Variants in NBAS observed in about 807,000 individuals in gnomAD.
NBAS encodes NBAS subunit of NRZ tethering complex.
Under a neutral mutation model 302.5 loss-of-function variants are expected in NBAS, and 219 were observed. The observed-to-expected ratio is 0.72, with a 90% CI of 0.65 to 0.81. The LOEUF (loss-of-function observed/expected upper bound fraction) is 0.81, where lower values mean the gene tolerates loss of function less well. Ranked by LOEUF, NBAS falls within the 30% of genes least tolerant of loss-of-function variation. The pLI, the probability that NBAS is intolerant of heterozygous loss-of-function variation, is 0.00. For missense variants in NBAS, 2,932 were observed against 2,841.6 expected, an observed-to-expected ratio of 1.03 and a Z score of -0.72; for synonymous variants, 1,118 against 1,021.6, an observed-to-expected ratio of 1.09 and a Z score of -1.80.
chr2:15,263,543 T>G (rs1404779763), intron 44 of NBAS, among the ~76,000 whole-genome samples: 1 of 152,226 alleles, frequency 6.6e-6, no homozygotes, highest in Non-Finnish European at 1.5e-5. Context: ...CTTTCTGGCC[T>G]CATCCTATGC....
intron 42 of NBAS, among the ~76,000 whole-genome samples, chr2:15,286,583 C>T (rs1670053566): frequency 6.6e-6 from 1 of 152,212 alleles, no homozygotes; most frequent in Non-Finnish European, 1.5e-5. Flanking sequence ...ACTGTATTGT[C>T]TACCTAGAAA....
chr2:15,377,858 G>T (rs1288245182), intron 30 of NBAS, among the ~76,000 whole-genome samples: 1 of 152,102 alleles, frequency 6.6e-6, no homozygotes. Context: ...CTATATACAG[G>T]TATAACATGC....
chr2:15,260,666 C>T (rs1668808375), intron 44 of NBAS, among the ~76,000 whole-genome samples: 1 of 152,176 alleles, frequency 6.6e-6, no homozygotes, highest in South Asian at 2.1e-4. Flanking sequence ...CTGAAAAACA[C>T]TCCTATGCTG....
chr2:14,999,691 C>T, the NBAS span, among the ~76,000 whole-genome samples: 3 of 152,196 alleles, frequency 2.0e-5, no homozygotes, highest in Non-Finnish European at 4.4e-5. Context: ...GTCAATTAAA[C>T]CTCTTTTCTT....
chr2:15,314,114 G>A (rs753985759), intron 38 of NBAS, among the ~76,000 whole-genome samples: 4 of 152,192 alleles, frequency 2.6e-5, no homozygotes, highest in Non-Finnish European at 5.9e-5. Flanking sequence ...AGCACTTTGG[G>A]AGGCCGAGGC....
intron 35 of NBAS, among the ~76,000 whole-genome samples, chr2:15,343,743 A>G (rs1318661026): frequency 6.6e-6 from 1 of 152,000 alleles, no homozygotes; most frequent in African/African-American, 2.4e-5. Context: ...AAGCACTAAA[A>G]ACTATAAAAC....
chr2:14,895,204 G>A, the NBAS span, among the ~76,000 whole-genome samples: 1 of 152,150 alleles, frequency 6.6e-6, no homozygotes, highest in Non-Finnish European at 1.5e-5. Context: ...AGAAGAGAGG[G>A]ACAGATAACT....
chr2:15,293,919 TC>T (rs1670432977), intron 40 of NBAS, among the ~76,000 whole-genome samples: 1 of 148,030 alleles, frequency 6.8e-6, no homozygotes, highest in South Asian at 2.2e-4. Flanking sequence ...TTTATTTTTT[TC>T]CCTACCTCTA....
intron 6 of NBAS, among the ~76,000 whole-genome samples, chr2:15,543,339 A>G (rs1663942893): frequency 6.6e-6 from 1 of 152,082 alleles, no homozygotes; most frequent in Non-Finnish European, 1.5e-5. Context: ...TTTAAATAGC[A>G]CTTCCTTAGA....
chr2:15,132,378 G>A, the NBAS span, among the ~76,000 whole-genome samples: 10 of 152,256 alleles, frequency 6.6e-5, no homozygotes, highest in African/African-American at 2.4e-4. Context: ...AAAAGCCATG[G>A]AGAAAGTAAA....
At chr2:15,087,258 C>CACACACACACACACA in the NBAS span, among the ~76,000 whole-genome samples, 1 of 131,314 alleles carries the variant, frequency 7.6e-6, no homozygotes, top group Admixed American at 8.5e-5. Flanking sequence ...ACACACACAC[C>CACACACACACACACA]CCATATTGGT....
Position 15,309,197 on chromosome 2 carries a change from G to C in NBAS, c.4633C>G (p.Leu1545Val). 2 of 1,612,990 alleles carry C rather than the reference G, an allele frequency of 1.2e-6. No homozygotes were observed. Among genetic ancestry groups the C allele is most frequent in the Non-Finnish European group, 1.7e-6 (2 of 1,179,284 alleles). Reference sequence around the variant, plus strand: ...TGTGGTAAGGCAAGAAGGTAAGCAAGAGCCAAGGTCATGTCATTTGGCAAG... The same window carrying C: ...TGTGGTAAGGCAAGAAGGTAAGCAACAGCCAAGGTCATGTCATTTGGCAAG... Reference protein sequence around the residue: ...EALPNDMTLALAYLLALPQVL... With the variant: ...EALPNDMTLAVAYLLALPQVL... Residue 1545 changes from leucine to valine, a missense_variant, in exon 39 of 52, where the codon CTT becomes GTT. Physicochemically the swap from Leu to Val is conservative, Grantham distance 32. Transcript: ENST00000281513.
At chr2:15,257,982 T>C (rs1668678982) in intron 44 of NBAS, among the ~76,000 whole-genome samples, 1 of 152,180 alleles carries the variant, frequency 6.6e-6, no homozygotes, top group South Asian at 2.1e-4. Context: ...AATCTCTACC[T>C]CATTAAGATG....
intron 40 of NBAS, among the ~76,000 whole-genome samples, chr2:15,293,062 C>G (rs1405935071): frequency 2.0e-4 from 30 of 152,174 alleles, no homozygotes; most frequent in Non-Finnish European, 4.4e-5. Context: ...TATTCTTGCT[C>G]TTTCAACTAT....
At chr2:15,311,998 A>G (rs1158854276) in intron 38 of NBAS, among the ~76,000 whole-genome samples, 1 of 152,026 alleles carries the variant, frequency 6.6e-6, no homozygotes, top group African/African-American at 2.4e-5. Context: ...CTGGGTCCCA[A>G]GTAATATGAC....
At chr2:15,407,625 C>G (rs970830645) in intron 25 of NBAS, among the ~76,000 whole-genome samples, 5 of 152,084 alleles carry the variant, frequency 3.3e-5, no homozygotes, top group African/African-American at 9.7e-5. Context: ...GATGTTGCTA[C>G]GTACACAGCA....
chr2:15,088,553 G>A, the NBAS span, among the ~76,000 whole-genome samples: 8 of 152,116 alleles, frequency 5.3e-5, no homozygotes, highest in Non-Finnish European at 7.3e-5. Context: ...CAGGGCCAGA[G>A]AGCATGGCTT....
At chr2:14,932,214 TGGCATGA>T in the NBAS span, among the ~76,000 whole-genome samples, 2 of 152,186 alleles carry the variant, frequency 1.3e-5, no homozygotes, top group African/African-American at 4.8e-5. Context: ...TGCCAGGAGC[TGGCATGA>T]ACCAACCTTT....
intron 44 of NBAS, among the ~76,000 whole-genome samples, chr2:15,263,279 T>A (rs576220716): frequency 7.4e-4 from 112 of 152,258 alleles, no homozygotes; most frequent in Admixed American, 2.2e-3. Flanking sequence ...TAGCTGGGAC[T>A]CCAGGGTTTT....
Sources: allele counts gnomAD v4.1 joint callset (sites outside exome capture counted in the v4.1 genomes callset), GRCh38; gene constraint gnomAD v4.1.1; transcripts MANE v1.5; gene names NCBI Gene and HGNC (gene_info 2026-07-23, HGNC 2026-07-21).